Variants in SLC39A11 observed in about 807,000 individuals in gnomAD.
SLC39A11 encodes the protein solute carrier family 39 member 11.
A neutral mutation model predicts 36.1 loss-of-function variants in SLC39A11; 33 were observed. The observed-to-expected ratio is 0.91, with a 90% CI of 0.69 to 1.22. SLC39A11 has a LOEUF of 1.22. SLC39A11 is among the 50% of genes most tolerant of loss of function. The probability of loss-of-function intolerance (pLI) is 0.00; values close to 1 mark genes in which losing one functional copy is unlikely to be tolerated. For missense variants in SLC39A11, 432 were observed against 430.3 expected (o/e 1.00, Z -0.03); for synonymous variants, 166 against 170.3 (o/e 0.97, Z 0.20).
chr17:72,759,220 C>G (rs1230263772), intron 6 of SLC39A11, among the ~76,000 whole-genome samples: 1 of 151,750 alleles, frequency 6.6e-6, no homozygotes, highest in East Asian at 1.9e-4. Context: ...AGATGATAGA[C>G]TATATAAACC....
At position 72,685,369 on chromosome 17, in the gene SLC39A11, G is replaced by T. The variant is rs534469158; in HGVS notation, c.672-36101C>A. On this transcript the variant is annotated intron_variant, in intron 7 of 9. Transcript: ENST00000255559. ...TGAAATTGAGATCTGAAGAATTAAA[G>T]GGGGAGGGGCGGTTGAGGGCAAAAT... 9.2e-5 allele frequency among the ~76,000 whole-genome samples: 14 copies of T among 152,402 alleles called. No individual in the cohort carries two copies. The South Asian group carries it at 2.7e-3, about 29-fold the overall frequency.
At chr17:72,670,208 CACACAT>C (rs370651025) in intron 7 of SLC39A11, among the ~76,000 whole-genome samples, 4,283 of 88,926 alleles carry the variant, frequency 0.048, 74 homozygotes, top group South Asian at 0.14. Flanking sequence ...CACACACACA[CACACAT>C]ATATATATAT....
rs181176572 is a variant in SLC39A11, at chr17:72,832,174, G to C, written c.601+17460C>G. Among the ~76,000 whole-genome samples, 960 of 152,320 alleles carry C rather than the reference G, an allele frequency of 6.3e-3. 14 individuals are homozygous for C. The highest frequency in any genetic ancestry group is 0.011 in the Non-Finnish European group (715 of 68,030). The stretch of plus-strand genomic sequence containing the variant: ...AGGATGAGCCGTGAATGAGGATGTG[G>C]TGCTGTCCCTTAGGGCAGGTAATAC... On this transcript the variant is annotated intron_variant, in intron 6 of 9. Transcript: ENST00000255559.
intron 7 of SLC39A11, among the ~76,000 whole-genome samples, chr17:72,697,253 T>C (rs1189786465): frequency 6.6e-6 from 1 of 152,152 alleles, no homozygotes; most frequent in Non-Finnish European, 1.5e-5. Flanking sequence ...TGGCTAATTT[T>C]TGTATTTTTT....
At chr17:72,937,803 C>T (rs1208965621) in intron 5 of SLC39A11, among the ~76,000 whole-genome samples, 3 of 152,308 alleles carry the variant, frequency 2.0e-5, no homozygotes, top group Admixed American at 6.5e-5. Flanking sequence ...AGGCAGAAAC[C>T]GCTAGGTGAG....
chr17:72,726,829 G>T (rs1275630493), intron 7 of SLC39A11, among the ~76,000 whole-genome samples: 1 of 152,126 alleles, frequency 6.6e-6, no homozygotes, highest in South Asian at 2.1e-4. Flanking sequence ...TCTTAAAATT[G>T]GTTTTGATGC....
chr17:72,864,569 A>G (rs950148827), intron 5 of SLC39A11, among the ~76,000 whole-genome samples: 4 of 152,098 alleles, frequency 2.6e-5, no homozygotes, highest in African/African-American at 9.7e-5. Flanking sequence ...ATAGATACAC[A>G]TGGAAAACGT....
chr17:72,725,238 C>A (rs1048741658), intron 7 of SLC39A11, among the ~76,000 whole-genome samples: 38 of 152,200 alleles, frequency 2.5e-4, no homozygotes, highest in African/African-American at 8.9e-4. Context: ...GGACTTTTCG[C>A]ACCTCTATGC....
chr17:72,997,025 T>C (rs1444862230), intron 4 of SLC39A11, among the ~76,000 whole-genome samples: 1 of 152,078 alleles, frequency 6.6e-6, no homozygotes, highest in Admixed American at 6.5e-5. Flanking sequence ...TGCAGCTTAA[T>C]GTAGTCAAGA....
In SLC39A11 at chr17:72,902,289, A is replaced by G. The variant is rs2082432665; in HGVS notation, c.430+45463T>C. ...TCTGTCTCCAAAAAAAATAAAAAGG[A>G]AAAAAAAAAAAGGAAGAGGAGAGGA... On this transcript the variant is annotated intron_variant, in intron 5 of 9. Transcript: ENST00000255559. 3.6e-5 allele frequency among the ~76,000 whole-genome samples: 5 copies of G among 140,426 alleles called. No individual in the cohort carries two copies. The Middle Eastern group carries it at 0.011, about 310-fold the overall frequency. 92.1% of individuals were successfully genotyped at this position (140,426 alleles called of 152,430 possible).
intron 6 of SLC39A11, among the ~76,000 whole-genome samples, chr17:72,757,886 TG>T (rs1265697481): frequency 1.3e-5 from 2 of 152,018 alleles, no homozygotes; most frequent in African/African-American, 2.4e-5. Flanking sequence ...GTATTTTGTT[TG>T]TTTTTGTTTT....
At chr17:72,759,102 A>AAAT (rs776562987) in intron 6 of SLC39A11, among the ~76,000 whole-genome samples, 6 of 135,448 alleles carry the variant, frequency 4.4e-5, no homozygotes, top group African/African-American at 1.7e-4. Flanking sequence ...TTTCATCTAA[A>AAAT]AATAATAACA....
At chr17:73,030,094 C>G (rs144045596) in intron 4 of SLC39A11, among the ~76,000 whole-genome samples, 2 of 152,200 alleles carry the variant, frequency 1.3e-5, no homozygotes, top group Admixed American at 1.3e-4. Context: ...CCCTCACATG[C>G]GCAGCTCGCA....
At chr17:72,758,849 A>G (rs1248884599) in intron 6 of SLC39A11, among the ~76,000 whole-genome samples, 1 of 152,188 alleles carries the variant, frequency 6.6e-6, no homozygotes, top group South Asian at 2.1e-4. Flanking sequence ...CAACCGGAAC[A>G]TTCTACACAG....
chr17:72,908,954 T>C lies in SLC39A11; in HGVS notation c.430+38798A>G, dbSNP rs191887001. ...CCAAGCCTGGTCATCTCACAGGATATAAAGATTAACCAACAACATCCACAT... is the reference window on the plus strand; with the variant it reads ...CCAAGCCTGGTCATCTCACAGGATACAAAGATTAACCAACAACATCCACAT... On this transcript the variant is annotated intron_variant, in intron 5 of 9. Transcript: ENST00000255559. Among the ~76,000 whole-genome samples, 18 of 152,330 alleles carry C rather than the reference T, an allele frequency of 1.2e-4. 1 individual carries two copies. The highest frequency in any genetic ancestry group is 2.2e-4 in the Non-Finnish European group (15 of 68,036).
At chr17:72,857,809 G>A (rs565304836) in intron 5 of SLC39A11, among the ~76,000 whole-genome samples, 11 of 152,168 alleles carry the variant, frequency 7.2e-5, no homozygotes, top group South Asian at 2.1e-4. Flanking sequence ...CGTGTCCTCT[G>A]CTCACTCTTT....
chr17:72,721,421 G>C (rs1402495962), intron 7 of SLC39A11, among the ~76,000 whole-genome samples: 1 of 152,110 alleles, frequency 6.6e-6, no homozygotes, highest in South Asian at 2.1e-4. Flanking sequence ...TACTAGCTAC[G>C]GGGCTGTGGA....
chr17:73,073,398 A>G (rs1234589981), intron 3 of SLC39A11, among the ~76,000 whole-genome samples: 2 of 152,138 alleles, frequency 1.3e-5, no homozygotes, highest in Non-Finnish European at 2.9e-5. Context: ...TGTCCTCTTC[A>G]GGCACCAGGC....
At chr17:72,807,421 T>G (rs1444816009) in intron 6 of SLC39A11, among the ~76,000 whole-genome samples, 1 of 152,166 alleles carries the variant, frequency 6.6e-6, no homozygotes, top group African/African-American at 2.4e-5. Context: ...AATGAGCCCC[T>G]TTTGTTAACA....
Sources: allele counts gnomAD v4.1 joint callset (sites outside exome capture counted in the v4.1 genomes callset), GRCh38; gene constraint gnomAD v4.1.1; transcripts MANE v1.5; gene names NCBI Gene and HGNC (gene_info 2026-07-23, HGNC 2026-07-21).